Variants in ITGB2 observed in about 807,000 individuals in gnomAD.
ITGB2 encodes integrin subunit beta 2, also known as integrin beta-2.
Under a neutral mutation model 86.8 loss-of-function variants are expected in ITGB2, and 56 were observed. The ratio of observed to expected loss-of-function variants is 0.65; its 90% CI spans 0.52 to 0.81. The LOEUF is 0.81. Among genes scored for constraint, ITGB2 ranks in the 30% least tolerant of loss-of-function variants. The probability of loss-of-function intolerance (pLI) is 0.00; values close to 1 mark genes in which losing one functional copy is unlikely to be tolerated. For missense variants in ITGB2, 948 were observed against 1,061.2 expected, an observed-to-expected ratio of 0.89 and a Z score of 1.48; for synonymous variants, 457 against 450.4, an observed-to-expected ratio of 1.01 and a Z score of -0.19.
At chr21:44,924,913 A>G (rs1432163887), upstream of ITGB2, among the ~76,000 whole-genome samples, 1 of 152,194 alleles carries the variant, frequency 6.6e-6, no homozygotes, top group Non-Finnish European at 1.5e-5. Context: ...ACACACCCCT[A>G]GAGCAGGACA....
At chr21:44,913,414 C>T (rs1450734206) in intron 1 of ITGB2, among the ~76,000 whole-genome samples, 3 of 152,098 alleles carry the variant, frequency 2.0e-5, no homozygotes, top group Non-Finnish European at 4.4e-5. Flanking sequence ...CTCCCACCTG[C>T]CCACAGGGAG....
rs1298313221 is a variant in ITGB2, at chr21:44,898,987, G to C, written c.993+80C>G. 8.7e-7 allele frequency: 1 copy of C among 1,148,990 alleles called. No homozygotes were observed. The highest frequency in any genetic ancestry group is 1.3e-6 in the Non-Finnish European group (1 of 771,372). The allele number at this position is 1,148,990 out of a possible 1,614,324, so 71.2% of individuals were successfully genotyped here. A position where few individuals can be genotyped will look rare whatever the true frequency, so the allele number is the denominator to read the frequency against. ...GCCCAGCATGCAGAGGTGGCGCTCA[G>C]ACCTGCAGTGGCGCTGGGTCTGGCC... On this transcript the variant is annotated intron_variant, in intron 8 of 15. Transcript: ENST00000652462.
At chr21:44,912,581 G>T (rs1426281044) in intron 1 of ITGB2, among the ~76,000 whole-genome samples, 1 of 152,224 alleles carries the variant, frequency 6.6e-6, no homozygotes, top group Non-Finnish European at 1.5e-5. Context: ...CTTCCTGGAG[G>T]AGGTGGTTTT....
intron 1 of ITGB2, among the ~76,000 whole-genome samples, chr21:44,926,359 G>A (rs761250875): frequency 2.0e-5 from 3 of 152,234 alleles, no homozygotes; most frequent in Non-Finnish European, 2.9e-5. Context: ...AGTAATTGGT[G>A]CGTTTAGTGT....
chr21:44,890,999 G>A (rs1416158525), intron 11 of ITGB2, among the ~76,000 whole-genome samples: 1 of 152,112 alleles, frequency 6.6e-6, no homozygotes, highest in Non-Finnish European at 1.5e-5. Flanking sequence ...GATATGGGAG[G>A]AGGCTGGGGG....
chr21:44,907,183 C>T, intron 3 of ITGB2, 88 bp from the exon 4 acceptor site: 2 of 939,208 alleles, frequency 2.1e-6, no homozygotes, highest in Non-Finnish European at 3.2e-6. Context: ...AGGACCCACC[C>T]TGTCCCCTCC....
intron 14 of ITGB2, among the ~76,000 whole-genome samples, chr21:44,887,307 G>A (rs560436669): frequency 2.0e-5 from 3 of 152,274 alleles, no homozygotes; most frequent in Admixed American, 2.0e-4. Context: ...GTGATTTGTG[G>A]TCGTCAAGGA....
At chr21:44,902,706 T>C (rs979048949) in intron 5 of ITGB2, among the ~76,000 whole-genome samples, 4 of 150,800 alleles carry the variant, frequency 2.7e-5, no homozygotes, top group African/African-American at 9.8e-5. Flanking sequence ...TGTGTGTGAG[T>C]GTGCATTGCA....
intron 14 of ITGB2, among the ~76,000 whole-genome samples, chr21:44,887,653 C>G (rs986793253): frequency 5.3e-5 from 8 of 152,206 alleles, no homozygotes; most frequent in African/African-American, 1.9e-4. Flanking sequence ...CTCCTGCCAT[C>G]CTGCCTTTCC....
At chr21:44,893,249 T>G (rs918215139) in intron 10 of ITGB2, 155 bp downstream of exon 10, 20 of 843,494 alleles carry the variant, frequency 2.4e-5, no homozygotes, top group Non-Finnish European at 3.9e-5. Context: ...TGTGTGCCCC[T>G]CCCTGCCCCC....
rs761920352 is a variant in ITGB2 at position 44,908,179 on chromosome 21, C to G, written c.148-1084G>C. ...GCGTGGGCTGGAGGACCCAAAGCCGCTCCCTGTGGGACGCAAAATTGAGAA... is the reference window on the plus strand; with the variant it reads ...GCGTGGGCTGGAGGACCCAAAGCCGGTCCCTGTGGGACGCAAAATTGAGAA... On this transcript the variant is annotated intron_variant, in intron 3 of 15. Transcript: ENST00000652462. The G allele has an allele frequency of 1.5e-5, 11 of 733,108 alleles. No individual in the cohort carries two copies. The African/African-American group carries it at 1.7e-4, about 11-fold the overall frequency. 45.4% of individuals were successfully genotyped at this position (733,108 alleles called of 1,614,324 possible). A position where few individuals can be genotyped will look rare whatever the true frequency, so the allele number is the denominator to read the frequency against.
intron 8 of ITGB2, among the ~76,000 whole-genome samples, chr21:44,895,264 G>A (rs2048656821): frequency 1.3e-5 from 2 of 152,188 alleles, no homozygotes; most frequent in African/African-American, 4.8e-5. Context: ...CTGCCCAGGG[G>A]CCACGCCTGG....
rs1257086863 is a variant in ITGB2, at chr21:44,919,217, ATGGCACCCGGCGGGGAC to A, written c.-4+1587_-4+1603del. 1.2e-4 allele frequency among the ~76,000 whole-genome samples: 19 copies of A among 152,172 alleles called. No homozygotes were observed. In the East Asian group the frequency reaches 3.5e-3, roughly 28 times the overall value. On this transcript the variant is annotated intron_variant, in intron 1 of 15. Transcript: ENST00000652462. ...CATCTGTTCTGTGGCCCTGCTCAGGATGGCACCCGGCGGGGACTGGCCCTGGGGCCGAGGCATGGGCT... is the reference window on the plus strand; with the variant it reads ...CATCTGTTCTGTGGCCCTGCTCAGGATGGCCCTGGGGCCGAGGCATGGGCT...
intron 1 of ITGB2, among the ~76,000 whole-genome samples, chr21:44,919,205 G>A (rs917614403): frequency 6.6e-6 from 1 of 152,206 alleles, no homozygotes; most frequent in Non-Finnish European, 1.5e-5. Flanking sequence ...CTGTTCTGTG[G>A]CCCTGCTCAG....
chr21:44,888,587 C>T (rs960715369), intron 14 of ITGB2, 106 bp downstream of exon 14: 1 of 1,314,620 alleles, frequency 7.6e-7, no homozygotes, highest in Non-Finnish European at 1.1e-6. Context: ...CCTGCTGGGC[C>T]CACAACACTG....
chr21:44,901,466 G>A, intron 6 of ITGB2, 26 bp downstream of exon 6: 1 of 1,612,010 alleles, frequency 6.2e-7, no homozygotes, highest in South Asian at 1.1e-5. Flanking sequence ...GGAACGTGGG[G>A]ACCCAAGCAG....
At chr21:44,890,347 C>T (rs1164449765) in intron 11 of ITGB2, 125 bp from the exon 12 acceptor site, 23 of 1,255,386 alleles carry the variant, frequency 1.8e-5, no homozygotes, top group East Asian at 7.3e-5. Context: ...TTGCTTTCCT[C>T]GAGGCCTACT....
At chr21:44,919,066 C>T (rs2084256420) in intron 1 of ITGB2, among the ~76,000 whole-genome samples, 1 of 151,950 alleles carries the variant, frequency 6.6e-6, no homozygotes, top group Non-Finnish European at 1.5e-5. Flanking sequence ...GGAGTGGAAA[C>T]TCATACGCTG....
At chr21:44,888,953 G>A (rs1270137799) in intron 13 of ITGB2, 58 bp from the exon 14 acceptor site, 1 of 1,539,048 alleles carries the variant, frequency 6.5e-7, no homozygotes, top group Non-Finnish European at 8.8e-7. Context: ...CCGGCAACGG[G>A]GGCTCGGGCT....
Sources: allele counts gnomAD v4.1 joint callset (sites outside exome capture counted in the v4.1 genomes callset), GRCh38; gene constraint gnomAD v4.1.1; transcripts MANE v1.5; gene names NCBI Gene and HGNC (gene_info 2026-07-23, HGNC 2026-07-21).